Variants in LIN54 observed in about 807,000 individuals in gnomAD.
The protein encoded by LIN54 is protein lin-54 homolog.
Under a neutral mutation model 78.7 loss-of-function variants are expected in LIN54, and 9 were observed. That is an observed-to-expected ratio of 0.11 (90% CI 0.07 to 0.20). The LOEUF is 0.20. Among genes scored for constraint, LIN54 ranks in the 10% least tolerant of loss-of-function variants. The probability of loss-of-function intolerance (pLI) is 1.00; values close to 1 mark genes in which losing one functional copy is unlikely to be tolerated. For synonymous variants in LIN54, 269 were observed against 318.4 expected (o/e 0.84, Z 1.65); for missense variants, 573 against 889.9 (o/e 0.64, Z 4.53).
At chr4:82,974,288 GAA>G (rs1725959455) in intron 3 of LIN54, among the ~76,000 whole-genome samples, 1 of 152,110 alleles carries the variant, frequency 6.6e-6, no homozygotes, top group Middle Eastern at 3.4e-3. Context: ...AGGAGAAAGA[GAA>G]AGAGTGAGAG....
At chr4:82,974,030 G>A (rs1214692879) in intron 3 of LIN54, among the ~76,000 whole-genome samples, 1 of 152,080 alleles carries the variant, frequency 6.6e-6, no homozygotes, top group Non-Finnish European at 1.5e-5. Context: ...CTAACACGGT[G>A]AAACCCCATC....
chr4:82,973,473 A>G (rs1431564516), intron 3 of LIN54, among the ~76,000 whole-genome samples: 1 of 152,214 alleles, frequency 6.6e-6, no homozygotes, highest in Non-Finnish European at 1.5e-5. Flanking sequence ...GCAAGCATGC[A>G]AGTTACATAA....
At chr4:83,011,811 T>TAAA (rs70943185), upstream of LIN54, among the ~76,000 whole-genome samples, 164 of 135,780 alleles carry the variant, frequency 1.2e-3, 2 homozygotes, top group East Asian at 0.015. Flanking sequence ...AGATCAGCAT[T>TAAA]AAAAAAAAAA....
chr4:82,961,629 AT>A (rs985279871), intron 4 of LIN54, among the ~76,000 whole-genome samples: 8 of 152,110 alleles, frequency 5.3e-5, no homozygotes, highest in African/African-American at 1.9e-4. Context: ...AAAAAGAAGG[AT>A]TTTCTAAAGA....
rs1721503047 is a variant in LIN54, at chr4:82,926,811, C to T, written c.*1291G>A. The T allele has an allele frequency of 6.6e-6, 1 of 152,138 alleles. No homozygotes were observed. The highest frequency in any genetic ancestry group is 2.4e-5 in the African/African-American group (1 of 41,428). The allele number at this position is 152,138 out of a possible 1,614,324, so 9.4% of individuals were successfully genotyped here. Reference sequence around the variant, plus strand: ...TGTTAGGAGGCCCATTTCTGTAAATCAAGTAAGAGTTGCGATTTGGTTTGA... The same window carrying T: ...TGTTAGGAGGCCCATTTCTGTAAATTAAGTAAGAGTTGCGATTTGGTTTGA... On this transcript the variant is annotated 3_prime_UTR_variant, in exon 13 of 13. Coordinates refer to ENST00000340417, the MANE Select transcript of LIN54 (RefSeq NM_194282.4).
At chr4:83,000,812 C>T (rs1164065341) in intron 1 of LIN54, among the ~76,000 whole-genome samples, 1 of 100,798 alleles carries the variant, frequency 9.9e-6, no homozygotes, top group African/African-American at 3.2e-5. Flanking sequence ...GCCATCAAGC[C>T]CAAAGCAATA....
intron 4 of LIN54, among the ~76,000 whole-genome samples, chr4:82,949,342 A>G (rs761115295): frequency 2.6e-5 from 4 of 151,702 alleles, no homozygotes; most frequent in Non-Finnish European, 5.9e-5. Flanking sequence ...TACTTTGCGT[A>G]TTTTTTAATT....
In LIN54 at chr4:82,939,950, A is replaced by G. The variant is rs766988736; in HGVS notation, c.1181T>C (p.Val394Ala). The change falls in exon 6 of 13, where the codon GTT becomes GCT. Residue 394 changes from valine to alanine, a missense_variant. Val to Ala is a moderately conservative substitution (Grantham distance 64, BLOSUM62 0). This residue lies in a region of LIN54 where 199 missense variants were observed against 260.9 expected (regional missense o/e 0.76). Transcript: ENST00000340417. ...TQPLQQAKPV[V>A]VNTTPVRMSV... ...CATCCGCACTGGGGTTGTATTAACA[A>G]CCACTGGCTTTGCTTTTTAAAAAAC... 1.1e-5 allele frequency: 18 copies of G among 1,599,350 alleles called. No homozygotes were observed. The highest frequency in any genetic ancestry group is 1.5e-5 in the Non-Finnish European group (18 of 1,175,834).
At chr4:82,983,689 C>T (rs2126086163) in intron 2 of LIN54, among the ~76,000 whole-genome samples, 1 of 152,122 alleles carries the variant, frequency 6.6e-6, no homozygotes, top group Non-Finnish European at 1.5e-5. Context: ...GAACAGTAAA[C>T]TCCAAATAAA....
intron 4 of LIN54, among the ~76,000 whole-genome samples, chr4:82,960,785 C>T (rs769307576): frequency 8.5e-5 from 13 of 152,104 alleles, no homozygotes; most frequent in Non-Finnish European, 8.8e-5. Flanking sequence ...ACCAGCCAGG[C>T]GTGGTAGCTC....
intron 11 of LIN54, 26 bp downstream of exon 11, chr4:82,935,955 A>G (rs6535413): frequency 0.47 from 747,645 of 1,605,566 alleles, 183,629 homozygotes; most frequent in African/African-American, 0.76. Flanking sequence ...TTTAAAAGAT[A>G]TTATTTTCCG....
chr4:82,981,802 C>T (rs1726676922), intron 2 of LIN54, among the ~76,000 whole-genome samples: 2 of 151,966 alleles, frequency 1.3e-5, no homozygotes, highest in Admixed American at 1.3e-4. Flanking sequence ...GAGGCCAAGG[C>T]AGGTGGATTG....
intron 4 of LIN54, among the ~76,000 whole-genome samples, chr4:82,969,671 C>T (rs901979162): frequency 3.3e-5 from 5 of 152,118 alleles, no homozygotes; most frequent in South Asian, 2.1e-4. Flanking sequence ...GAGTCACAAG[C>T]GTGAAACCTA....
chr4:82,936,007 G>A lies in LIN54; in HGVS notation c.1819C>T (p.Leu607Phe). Residue 607 changes from leucine (L) to phenylalanine (F), a missense_variant, in exon 11 of 13, where the codon CTT (leucine) becomes TTT (phenylalanine). Leu to Phe is a conservative substitution (Grantham distance 22). Around this residue, in one of 6 missense-constraint regions of LIN54, gnomAD observed 5 missense variants for 45.8 expected, o/e 0.11. Transcript: ENST00000340417. ...KGCNCKRSGC[L>F]KNYCECYEAK... ...TCATAGCATTCACAGTAGTTTTTAA[G>A]ACATCCTGATCGTTTGCAATTACAC... 6.2e-7 allele frequency: 1 copy of A among 1,614,036 alleles called. No individual in the cohort carries two copies.
At position 82,995,426 on chromosome 4, in the gene LIN54, G is replaced by A. The variant is rs182036376; in HGVS notation, c.-32-10550C>T. Among the ~76,000 whole-genome samples, 175 of 150,024 alleles carry A rather than the reference G, an allele frequency of 1.2e-3. 3 individuals are homozygous for A. Among genetic ancestry groups the A allele is most frequent in the Non-Finnish European group, 1.9e-3 (127 of 67,442 alleles). ...ATAGACAGAGACTATTCCAGAGCCA[G>A]GATAGCTCATAAACTACAGAACAGA... On this transcript the variant is annotated intron_variant, in intron 1 of 12. Coordinates refer to ENST00000340417, the MANE Select transcript of LIN54 (RefSeq NM_194282.4).
intron 12 of LIN54, 48 bp from the exon 13 acceptor site, chr4:82,928,351 A>G (rs1560710797): frequency 1.4e-6 from 2 of 1,379,510 alleles, no homozygotes; most frequent in Non-Finnish European, 2.1e-6. Context: ...TTAAATAACA[A>G]CAAAAGTGGA....
intron 1 of LIN54, among the ~76,000 whole-genome samples, chr4:83,008,650 C>T (rs1729610118): frequency 6.6e-6 from 1 of 151,988 alleles, no homozygotes; most frequent in Non-Finnish European, 1.5e-5. Flanking sequence ...CTAGCCTGGG[C>T]GACAGAGTGA....
chr4:82,975,569 G>A (rs781014474), intron 3 of LIN54, among the ~76,000 whole-genome samples: 1 of 151,698 alleles, frequency 6.6e-6, no homozygotes. Flanking sequence ...AAAATTAGCC[G>A]GGCATAGTGG....
chr4:82,933,448 G>A (rs913606077), intron 11 of LIN54, among the ~76,000 whole-genome samples: 2 of 151,638 alleles, frequency 1.3e-5, no homozygotes, highest in Non-Finnish European at 2.9e-5. Flanking sequence ...AATAAGGTGG[G>A]TAGCCATTCA....
Sources: gnomAD v4.1 joint callset for allele counts (sites outside exome capture counted in the v4.1 genomes callset) on GRCh38, gnomAD v4.1.1 for gene constraint, gnomAD v4.1.1 regional missense constraint, MANE v1.5 for transcripts, NCBI Gene and HGNC (gene_info 2026-07-23, HGNC 2026-07-21) for gene names.